EVC: variants seen among roughly 807,000 people sequenced by gnomAD.
EVC encodes EvC ciliary complex subunit 1.
Under a neutral mutation model 118.9 loss-of-function variants are expected in EVC, and 116 were observed. The ratio of observed to expected loss-of-function variants is 0.98; its 90% CI spans 0.84 to 1.14. EVC has a LOEUF of 1.14. Ranked by LOEUF, EVC falls within the 50% of genes most tolerant of loss-of-function variation. The pLI is 0.00. For missense variants in EVC, 1,401 were observed against 1,246.4 expected (o/e 1.12, Z -1.87); for synonymous variants, 619 against 534.7 (o/e 1.16, Z -2.18).
At chr4:5,797,517 C>T in intron 14 of EVC, 1 of 536,178 alleles carries the variant, frequency 1.9e-6, no homozygotes, top group South Asian at 2.0e-5. Context: ...TGACTGTCTT[C>T]AACCTGTGTC....
Position 5,783,597 on chromosome 4 carries a change from G to A in EVC, c.1609G>A (p.Ala537Thr), listed in dbSNP as rs1735959568. 3 of 1,614,086 alleles carry A rather than the reference G, an allele frequency of 1.9e-6. No homozygotes were observed. The highest frequency in any genetic ancestry group is 8.5e-7 in the Non-Finnish European group (1 of 1,180,040). The change falls in exon 12 of 21, where the codon GCC (alanine) becomes ACC (threonine). Residue 537 changes from alanine (A) to threonine (T), a missense_variant. Physicochemically the swap from Ala to Thr is moderately conservative, Grantham distance 58. Transcript: ENST00000264956. Reference protein sequence around the residue: ...TVDTFQKFVDALFLQTLPGMT... With the variant: ...TVDTFQKFVDTLFLQTLPGMT... Reference sequence around the variant, plus strand: ...GGACACTTTCCAGAAGTTCGTGGATGCCCTGTTCCTTCAGACGCTCCCTGG... The same window carrying A: ...GGACACTTTCCAGAAGTTCGTGGATACCCTGTTCCTTCAGACGCTCCCTGG...
rs928778965 is a variant in EVC at position 5,803,937 on chromosome 4, C to G, written c.2450-793C>G. On this transcript the variant is annotated intron_variant, in intron 16 of 20. Coordinates refer to ENST00000264956, the MANE Select transcript of EVC (RefSeq NM_153717.3). ...AAACCATGCCTGTCTCAGGCAGCCT[C>G]ATCACCTTTTTTTTTTTTTTTGAGA... 4.3e-5 allele frequency among the ~76,000 whole-genome samples: 5 copies of G among 115,456 alleles called. No homozygotes were observed. In the Admixed American group the frequency reaches 4.9e-4, roughly 11 times the overall value. The allele number at this position is 115,456 out of a possible 152,430, so 75.7% of individuals were successfully genotyped here. A position where few individuals can be genotyped will look rare whatever the true frequency, so the allele number is the denominator to read the frequency against.
intron 11 of EVC, among the ~76,000 whole-genome samples, chr4:5,777,911 A>C (rs1023738835): frequency 2.0e-5 from 3 of 152,058 alleles, no homozygotes; most frequent in Non-Finnish European, 2.9e-5. Context: ...GTATGGATAC[A>C]TGTGACATGC....
rs1197192804 is a variant in EVC, at chr4:5,743,904, A to G, written c.802-1300A>G. ...GGCAAAAATGATAATGATGATGATG[A>G]CATTTATAATGGTATTAGTAATAAT... is the stretch of plus-strand genomic sequence containing the variant. On this transcript the variant is annotated intron_variant, in intron 6 of 20. Coordinates refer to ENST00000264956, the MANE Select transcript of EVC (RefSeq NM_153717.3). The surrounding 1 kb of genome is among the most constrained non-coding windows in gnomAD (Gnocchi z 4.7). Among the ~76,000 whole-genome samples the G allele has an allele frequency of 6.6e-6, 1 of 152,222 alleles. No individual in the cohort carries two copies. The highest frequency in any genetic ancestry group is 6.5e-5 in the Admixed American group (1 of 15,286).
In EVC at chr4:5,804,782, T is replaced by C. The variant is rs1715594009; in HGVS notation, c.2502T>C (p.Pro834=). The change falls in exon 17 of 21, where the codon CCT becomes CCC. Residue 834 remains proline, a synonymous_variant. Transcript: ENST00000264956. ...KLRKKQELSN[P]SSGSRTAGGA... is the part of the protein sequence containing the mutation. ...GGAAAAAGCAAGAACTCAGCAACCC[T>C]TCGTCGGGCAGCAGGACGGCAGGTG... 1 of 1,613,948 alleles carries C rather than the reference T, an allele frequency of 6.2e-7. No individual in the cohort carries two copies. Among genetic ancestry groups the C allele is most frequent in the Non-Finnish European group, 8.5e-7 (1 of 1,180,014 alleles).
intron 1 of EVC, among the ~76,000 whole-genome samples, chr4:5,718,417 T>A (rs146576470): frequency 6.6e-6 from 1 of 152,168 alleles, no homozygotes; most frequent in South Asian, 2.1e-4. Context: ...CCAGAGGGCA[T>A]GTCATAGTTT....
At chr4:5,713,799 A>G (rs1167853731) in intron 1 of EVC, among the ~76,000 whole-genome samples, 1 of 151,940 alleles carries the variant, frequency 6.6e-6, no homozygotes, top group African/African-American at 2.4e-5. Flanking sequence ...GCTACTGGGG[A>G]GGCTAAGGCA....
intron 15 of EVC, among the ~76,000 whole-genome samples, chr4:5,800,280 G>A (rs1195563011): frequency 2.0e-5 from 3 of 152,202 alleles, no homozygotes; most frequent in Non-Finnish European, 4.4e-5. Flanking sequence ...GGGAGGCGGA[G>A]GTTGCAGTGA....
the EVC span, chr4:5,825,458 C>A: frequency 6.5e-7 from 1 of 1,535,500 alleles, no homozygotes; most frequent in Non-Finnish European, 8.7e-7. This position sits in a 1 kb window ranked among gnomAD's most constrained non-coding sequence, Gnocchi z 4.4. Flanking sequence ...TGAACTGCTG[C>A]AATTGTGGGG....
intron 11 of EVC, among the ~76,000 whole-genome samples, chr4:5,766,454 T>A (rs562197743): frequency 0.069 from 8,810 of 127,562 alleles, 470 homozygotes; most frequent in South Asian, 0.11. Context: ...TTGGCCTGCC[T>A]TGCTAGATTG....
In EVC at chr4:5,751,030, T is replaced by C. The variant is rs146965466; in HGVS notation, c.1099-1806T>C. On this transcript the variant is annotated intron_variant, in intron 8 of 20. Coordinates refer to ENST00000264956, the MANE Select transcript of EVC (RefSeq NM_153717.3). ...CAAAGGGACCCTGACGGTCATCAGA[T>C]TCAGTTTCTTGAGACTCACAGGAAA... Among the ~76,000 whole-genome samples the C allele has an allele frequency of 3.7e-3, 565 of 152,198 alleles. 3 individuals carry two copies. The highest frequency in any genetic ancestry group is 0.013 in the African/African-American group (537 of 41,538).
chr4:5,714,091 G>A (rs567887055), intron 1 of EVC, among the ~76,000 whole-genome samples: 66 of 151,988 alleles, frequency 4.3e-4, no homozygotes, highest in East Asian at 7.7e-4. Context: ...TGTTCTCTCC[G>A]CCTGCGCGGT....
chr4:5,729,102 A>G (rs1231177224), intron 2 of EVC, among the ~76,000 whole-genome samples: 1 of 151,790 alleles, frequency 6.6e-6, no homozygotes, highest in Non-Finnish European at 1.5e-5. Context: ...TCACCCATCC[A>G]TCCATCTATC....
chr4:5,816,042 G>C (rs541928081), downstream of EVC, among the ~76,000 whole-genome samples: 19 of 152,264 alleles, frequency 1.2e-4, no homozygotes, highest in South Asian at 3.9e-3. Context: ...AGATTTGGCT[G>C]TGTGTCAGCA....
chr4:5,798,521 G>T lies in EVC; in HGVS notation c.2098-65G>T. 3.3e-6 allele frequency: 5 copies of T among 1,512,634 alleles called. No individual in the cohort carries two copies. In the South Asian group the frequency reaches 6.0e-5, roughly 18 times the overall value. The allele number at this position is 1,512,634 out of a possible 1,614,324, so 93.7% of individuals were successfully genotyped here. A position where few individuals can be genotyped will look rare whatever the true frequency, so the allele number is the denominator to read the frequency against. Reference sequence around the variant, plus strand: ...TGGATAGGACCAGCCCCACATCCCAGTCCTGGCCAGAGCTTCTCTGTGAGA... The same window carrying T: ...TGGATAGGACCAGCCCCACATCCCATTCCTGGCCAGAGCTTCTCTGTGAGA... On this transcript the variant is annotated intron_variant, in intron 14 of 20. Transcript: ENST00000264956. This position sits in a 1 kb window ranked among gnomAD's most constrained non-coding sequence, Gnocchi z 4.1.
chr4:5,825,231 AC>A, the EVC span: 1 of 985,212 alleles, frequency 1.0e-6, no homozygotes, highest in Non-Finnish European at 1.2e-6. The surrounding 1 kb of genome is among the most constrained non-coding windows in gnomAD (Gnocchi z 4.4). Flanking sequence ...AAGGATGAGC[AC>A]TGGGACAATT....
intron 1 of EVC, among the ~76,000 whole-genome samples, chr4:5,715,584 C>T (rs982870099): frequency 7.9e-5 from 12 of 152,246 alleles, no homozygotes; most frequent in African/African-American, 2.4e-4. Flanking sequence ...GCCTGGAGCA[C>T]ATCCTTCAGT....
At chr4:5,817,755 A>G (rs910905797), downstream of EVC, among the ~76,000 whole-genome samples, 1 of 152,140 alleles carries the variant, frequency 6.6e-6, no homozygotes, top group Non-Finnish European at 1.5e-5. Flanking sequence ...AGCTCTGTTG[A>G]GTCTATAGAG....
chr4:5,752,165 G>T (rs1239783531), intron 8 of EVC, among the ~76,000 whole-genome samples: 1 of 152,128 alleles, frequency 6.6e-6, no homozygotes, highest in African/African-American at 2.4e-5. Flanking sequence ...TGTGCCGAGG[G>T]AGATGCCAAC....
Sources: gnomAD v4.1 joint callset for allele counts (sites outside exome capture counted in the v4.1 genomes callset) on GRCh38, gnomAD v4.1.1 for gene constraint, Gnocchi (gnomAD v3.1) non-coding constraint, MANE v1.5 for transcripts, NCBI Gene and HGNC (gene_info 2026-07-23, HGNC 2026-07-21) for gene names.